The following DYNC2I1 variants were observed in gnomAD, a reference collection of about 807,000 sequenced individuals.
The protein encoded by DYNC2I1 is cytoplasmic dynein 2 intermediate chain 1.
Under a neutral mutation model 133.4 loss-of-function variants are expected in DYNC2I1, and 89 were observed. The observed-to-expected ratio is 0.67, with a 90% confidence interval of 0.56 to 0.80. The LOEUF is 0.80. DYNC2I1 is among the 30% of genes least tolerant of loss of function. The probability of loss-of-function intolerance (pLI) is 0.00; values close to 1 mark genes in which losing one functional copy is unlikely to be tolerated. For missense variants in DYNC2I1, 1,291 were observed against 1,314.5 expected (o/e 0.98, Z 0.28); for synonymous variants, 504 against 484.3 (o/e 1.04, Z -0.54).
intron 10 of DYNC2I1, 38 bp downstream of exon 10, chr7:158,902,633 T>C: frequency 1.9e-6 from 3 of 1,591,260 alleles, no homozygotes; most frequent in Non-Finnish European, 2.6e-6. Flanking sequence ...TCCGTGCTCT[T>C]AGGGCTCTGT....
At chr7:158,958,011 T>TCGTGGAGAGGGTGTGGTCTGCAC (rs1852241317), downstream of DYNC2I1, among the ~76,000 whole-genome samples, 2 of 95,900 alleles carry the variant, frequency 2.1e-5, no homozygotes, top group Non-Finnish European at 4.3e-5. Flanking sequence ...TTACTCACTA[T>TCGTGGAGAGGGTGTGGTCTGCAC]CTGCCCGTCA....
chr7:158,902,897 T>C (rs780373393), intron 10 of DYNC2I1: 19 of 315,396 alleles, frequency 6.0e-5, no homozygotes, highest in Non-Finnish European at 7.6e-5. Context: ...GCTCCTGTTC[T>C]CCAGAGGGAG....
the DYNC2I1 span, among the ~76,000 whole-genome samples, chr7:158,851,155 A>G: frequency 6.6e-6 from 1 of 152,208 alleles, no homozygotes; most frequent in Non-Finnish European, 1.5e-5. Context: ...TAATATAGTT[A>G]TTCACATACA....
chr7:158,908,675 G>A (rs537873119), intron 11 of DYNC2I1, among the ~76,000 whole-genome samples: 37 of 152,326 alleles, frequency 2.4e-4, no homozygotes, highest in African/African-American at 8.2e-4. Flanking sequence ...GAAGAGCTGA[G>A]CTTCAGCAGG....
At chr7:158,939,270 A>C (rs1851091111) in intron 23 of DYNC2I1, among the ~76,000 whole-genome samples, 1 of 106,500 alleles carries the variant, frequency 9.4e-6, no homozygotes, top group Non-Finnish European at 2.2e-5. Flanking sequence ...TACAAAAAAA[A>C]ACCCAAACAA....
intron 1 of DYNC2I1, among the ~76,000 whole-genome samples, chr7:158,859,198 G>A (rs183627869): frequency 8.6e-5 from 13 of 151,364 alleles, no homozygotes; most frequent in Admixed American, 2.0e-4. Context: ...TATGTGGGAA[G>A]AAAACTGTAT....
chr7:158,915,069 G>T (rs545138548), intron 14 of DYNC2I1, among the ~76,000 whole-genome samples: 4 of 128,768 alleles, frequency 3.1e-5, no homozygotes, highest in East Asian at 2.1e-4. Flanking sequence ...TGAGATTAAG[G>T]ATGATTGTGA....
At chr7:158,874,852 C>T (rs1843209270) in intron 3 of DYNC2I1, among the ~76,000 whole-genome samples, 1 of 152,184 alleles carries the variant, frequency 6.6e-6, no homozygotes, top group Admixed American at 6.5e-5. Flanking sequence ...CAGTGTACCC[C>T]ACATGAAGCT....
intron 20 of DYNC2I1, among the ~76,000 whole-genome samples, 179 bp from the exon 21 acceptor site, chr7:158,930,276 A>G (rs567357439): frequency 1.3e-5 from 2 of 152,166 alleles, no homozygotes; most frequent in South Asian, 2.1e-4. Flanking sequence ...TTCTTCTCCT[A>G]AGGCAGGATA....
At chr7:158,888,093 C>T (rs1046551820) in intron 7 of DYNC2I1, among the ~76,000 whole-genome samples, 11 of 140,828 alleles carry the variant, frequency 7.8e-5, no homozygotes, top group Admixed American at 1.5e-4. Context: ...GGCACGATCT[C>T]GGCTCACTGC....
At chr7:158,842,893 G>C in the DYNC2I1 span, among the ~76,000 whole-genome samples, 1 of 152,198 alleles carries the variant, frequency 6.6e-6, no homozygotes, top group African/African-American at 2.4e-5. Flanking sequence ...TCTGTCTACA[G>C]AAAGACCATG....
Position 158,945,789 on chromosome 7 carries a change from C to CT in DYNC2I1, c.*11dup. ...AAAACTGCACAAGTAGCGGGTGTGG[C>CT]TGAGAGGACCGCGTTTCTGTAATGA... On this transcript the variant is annotated 3_prime_UTR_variant, in exon 25 of 25. Transcript: ENST00000407559. The surrounding 1 kb of genome is among the most constrained non-coding windows in gnomAD (Gnocchi z 4.1). The CT allele has an allele frequency of 6.6e-7, 1 of 1,525,488 alleles. No homozygotes were observed. The allele number at this position is 1,525,488 out of a possible 1,614,324, so 94.5% of individuals were successfully genotyped here. A position where few individuals can be genotyped will look rare whatever the true frequency, so the allele number is the denominator to read the frequency against.
intron 21 of DYNC2I1, among the ~76,000 whole-genome samples, chr7:158,930,959 C>T (rs1344111449): frequency 6.6e-6 from 1 of 152,192 alleles, no homozygotes; most frequent in Non-Finnish European, 1.5e-5. Flanking sequence ...TGAGCCCCCA[C>T]GCCCGGCCTT....
rs1485945459 is a variant in DYNC2I1 at position 158,857,224 on chromosome 7, CACTT to C, written c.15+476_15+479del. On this transcript the variant is annotated intron_variant, in intron 1 of 24. Transcript: ENST00000407559. ...TTTACTTGTATGACCTTGGCAAACTCACTTAACATGTCTTGTTTCCTAATTCATT... is the reference window on the plus strand; with the variant it reads ...TTTACTTGTATGACCTTGGCAAACTCAACATGTCTTGTTTCCTAATTCATT... Among the ~76,000 whole-genome samples, 5 of 152,304 alleles carry C rather than the reference CACTT, an allele frequency of 3.3e-5. No individual in the cohort carries two copies. In the East Asian group the frequency reaches 7.7e-4, roughly 23 times the overall value.
chr7:158,859,554 G>T lies in DYNC2I1; in HGVS notation c.15+2804G>T, dbSNP rs1841687943. ...GTCTCGCTCTGTCGCCCAGGCTGGA[G>T]TGCAATGGCGTGATCTCAGCTCACT... On this transcript the variant is annotated intron_variant, in intron 1 of 24. Coordinates refer to ENST00000407559, the MANE Select transcript of DYNC2I1 (RefSeq NM_018051.5). Among the ~76,000 whole-genome samples the T allele has an allele frequency of 2.0e-5, 3 of 152,280 alleles. No homozygotes were observed. In the South Asian group the frequency reaches 6.2e-4, roughly 32 times the overall value.
chr7:158,844,363 A>T, the DYNC2I1 span, among the ~76,000 whole-genome samples: 39 of 152,248 alleles, frequency 2.6e-4, no homozygotes, highest in East Asian at 7.7e-4. Flanking sequence ...AACGTGGGTC[A>T]TCGGTGCAGA....
At chr7:158,905,799 T>C (rs1846742374) in intron 10 of DYNC2I1, among the ~76,000 whole-genome samples, 190 bp from the exon 11 acceptor site, 1 of 152,238 alleles carries the variant, frequency 6.6e-6, no homozygotes, top group Non-Finnish European at 1.5e-5. Context: ...TTTTGCTTTG[T>C]TGCCTGAAAG....
At chr7:158,839,841 T>G in the DYNC2I1 span, among the ~76,000 whole-genome samples, 1 of 150,136 alleles carries the variant, frequency 6.7e-6, no homozygotes, top group Non-Finnish European at 1.5e-5. Flanking sequence ...AGAGATGAGG[T>G]CTCGCTCTAT....
intron 15 of DYNC2I1, 121 bp from the exon 16 acceptor site, chr7:158,922,256 G>A (rs181065773): frequency 8.6e-5 from 83 of 968,400 alleles, no homozygotes; most frequent in Non-Finnish European, 1.0e-4. Context: ...TGTTGGTTTC[G>A]AAAGGACCAC....
Sources: gnomAD v4.1 joint callset for allele counts (sites outside exome capture counted in the v4.1 genomes callset) on GRCh38, gnomAD v4.1.1 for gene constraint, Gnocchi (gnomAD v3.1) non-coding constraint, MANE v1.5 for transcripts, NCBI Gene and HGNC (gene_info 2026-07-23, HGNC 2026-07-21) for gene names.